The following TRPV4 variants were observed in gnomAD, a reference collection of about 807,000 sequenced individuals.
The protein encoded by TRPV4 is transient receptor potential cation channel subfamily V member 4.
TRPV4 carries 58 observed loss-of-function variants against 84.1 expected under a neutral mutation model. The observed-to-expected ratio is 0.69, with a 90% CI of 0.56 to 0.86. The LOEUF (loss-of-function observed/expected upper bound fraction) is 0.86, where lower values mean the gene tolerates loss of function less well. Ranked by LOEUF, TRPV4 falls within the 40% of genes least tolerant of loss-of-function variation. The pLI, the probability that TRPV4 is intolerant of heterozygous loss-of-function variation, is 0.00. For missense variants in TRPV4, 879 were observed against 1,181.1 expected, an observed-to-expected ratio of 0.74 and a Z score of 3.75; for synonymous variants, 489 against 500.9, an observed-to-expected ratio of 0.98 and a Z score of 0.32.
chr12:109,823,466 C>T (rs1192433324), intron 1 of TRPV4, among the ~76,000 whole-genome samples: 1 of 152,212 alleles, frequency 6.6e-6, no homozygotes, highest in South Asian at 2.1e-4. Flanking sequence ...TCACAGGGAC[C>T]AAGTCATTTC....
Position 109,796,823 on chromosome 12 carries a change from T to G in TRPV4, c.1153-119A>C. Reference sequence around the variant, plus strand: ...CTAAGCACCGGCTGCTGGAGGACCCTTTCCTCATCTTGTTTAATTCTTGCT... The same window carrying G: ...CTAAGCACCGGCTGCTGGAGGACCCGTTCCTCATCTTGTTTAATTCTTGCT... On this transcript the variant is annotated intron_variant, in intron 6 of 15. Transcript: ENST00000261740. This position sits in a 1 kb window ranked among gnomAD's most constrained non-coding sequence, Gnocchi z 4.2. 3.0e-6 allele frequency: 3 copies of G among 995,828 alleles called. No homozygotes were observed. The highest frequency in any genetic ancestry group is 4.3e-6 in the Non-Finnish European group (3 of 696,200). The allele number at this position is 995,828 out of a possible 1,614,324, so 61.7% of individuals were successfully genotyped here.
intron 14 of TRPV4, among the ~76,000 whole-genome samples, chr12:109,785,827 G>A (rs1889651849): frequency 6.6e-6 from 1 of 151,544 alleles, no homozygotes; most frequent in African/African-American, 2.4e-5. Context: ...GAGACCAGGA[G>A]TTTGAGACCA....
At position 109,796,853 on chromosome 12, in the gene TRPV4, T is replaced by C. The variant is rs3742035; in HGVS notation, c.1153-149A>G. On this transcript the variant is annotated intron_variant, in intron 6 of 15. Transcript: ENST00000261740. The surrounding 1 kb of genome is among the most constrained non-coding windows in gnomAD (Gnocchi z 4.2). The stretch of plus-strand genomic sequence containing the variant: ...TCATCTTGTTTAATTCTTGCTCTTA[T>C]TATCTTGGTTTACAGATAAAGAATG... 0.29 allele frequency: 236,000 copies of C among 811,798 alleles called. 39,418 individuals carry two copies. The highest frequency in any genetic ancestry group is 0.69 in the East Asian group (25,022 of 36,410). The allele number at this position is 811,798 out of a possible 1,614,324, so 50.3% of individuals were successfully genotyped here.
intron 2 of TRPV4, 72 bp from the exon 3 acceptor site, chr12:109,808,540 G>A: frequency 6.8e-6 from 10 of 1,479,166 alleles, no homozygotes; most frequent in Non-Finnish European, 9.2e-6. Context: ...TGGCCTTAGG[G>A]ACCCAGAGAC....
rs1204460941 is a variant in TRPV4, at chr12:109,800,673, G to A, written c.798C>T (p.Ala266=). 1.2e-6 allele frequency: 2 copies of A among 1,614,070 alleles called. No individual in the cohort carries two copies. Among genetic ancestry groups the A allele is most frequent in the African/African-American group, 1.3e-5 (1 of 74,950 alleles). ...GCTGGAAGAAGCGCCCACGGGCCTG[G>A]GCGTGGACATCAGCTCCCTGGGCCA... ...LLVAQGADVH[A]QARGRFFQPK... Residue 266 remains alanine (A), a synonymous_variant, in exon 5 of 16, where the codon GCC becomes GCT. Coordinates refer to ENST00000261740, the MANE Select transcript of TRPV4 (RefSeq NM_021625.5).
At chr12:109,800,519 T>C in intron 5 of TRPV4, 99 bp downstream of exon 5, 1 of 1,491,762 alleles carries the variant, frequency 6.7e-7, no homozygotes, top group South Asian at 1.2e-5. Context: ...GCCCTGGGTG[T>C]CTGGGTGATG....
At chr12:109,794,075 C>T (rs1890225331) in intron 8 of TRPV4, 53 bp from the exon 9 acceptor site, 1 of 1,439,422 alleles carries the variant, frequency 6.9e-7, no homozygotes, top group South Asian at 1.2e-5. Context: ...CAACATCTGG[C>T]CCCCAATCCA....
intron 3 of TRPV4, among the ~76,000 whole-genome samples, chr12:109,804,717 A>G (rs890037679): frequency 2.6e-5 from 4 of 152,150 alleles, no homozygotes; most frequent in Non-Finnish European, 5.9e-5. Flanking sequence ...CCTGGCGCCC[A>G]GCTCAGAGGC....
chr12:109,799,464 T>G (rs1007489708), intron 5 of TRPV4, among the ~76,000 whole-genome samples: 1 of 152,152 alleles, frequency 6.6e-6, no homozygotes, highest in African/African-American at 2.4e-5. Flanking sequence ...TGGAATTCTT[T>G]GTGTGACTTT....
At chr12:109,825,905 C>G (rs1261988409) in intron 1 of TRPV4, among the ~76,000 whole-genome samples, 1 of 152,168 alleles carries the variant, frequency 6.6e-6, no homozygotes, top group Non-Finnish European at 1.5e-5. Context: ...CCAGTCTGTG[C>G]CAACAGTAAG....
At chr12:109,799,974 ACT>A (rs1263953552) in intron 5 of TRPV4, among the ~76,000 whole-genome samples, 4 of 150,760 alleles carry the variant, frequency 2.7e-5, no homozygotes, top group Non-Finnish European at 4.4e-5. Flanking sequence ...ACAGAGTCTC[ACT>A]CTGTCACCCA....
chr12:109,812,435 T>C (rs61943777), intron 2 of TRPV4, among the ~76,000 whole-genome samples: 2,258 of 152,212 alleles, frequency 0.015, 33 homozygotes, highest in African/African-American at 0.035. Flanking sequence ...TGGCCAGGAA[T>C]GGAGGTGATG....
intron 2 of TRPV4, among the ~76,000 whole-genome samples, chr12:109,812,086 C>T (rs1891555642): frequency 6.6e-6 from 1 of 152,186 alleles, no homozygotes; most frequent in Admixed American, 6.5e-5. Flanking sequence ...GAGGGCTCAA[C>T]CTCACAAAGC....
At chr12:109,812,732 T>C (rs1891597604) in intron 2 of TRPV4, among the ~76,000 whole-genome samples, 1 of 152,146 alleles carries the variant, frequency 6.6e-6, no homozygotes, top group South Asian at 2.1e-4. Flanking sequence ...GAATGATGAA[T>C]AGTTTGATAG....
rs1376567448 is a variant in TRPV4, at chr12:109,792,362, C to T, written c.1891+1G>A. 1.9e-6 allele frequency: 3 copies of T among 1,613,624 alleles called. No homozygotes were observed. The highest frequency in any genetic ancestry group is 1.7e-6 in the Non-Finnish European group (2 of 1,179,860). On this transcript the variant is annotated splice_donor_variant, in intron 12 of 15. Transcript: ENST00000261740. LOFTEE classifies it high-confidence loss of function. ...GGACCACCTGAGCACCCAGAGCTCACCTGAAGCGTAGCCGATCATGAAGAG... is the reference window on the plus strand; with the variant it reads ...GGACCACCTGAGCACCCAGAGCTCATCTGAAGCGTAGCCGATCATGAAGAG...
intron 1 of TRPV4, among the ~76,000 whole-genome samples, chr12:109,817,699 T>C (rs978802913): frequency 9.9e-5 from 15 of 152,232 alleles, no homozygotes; most frequent in African/African-American, 3.6e-4. Flanking sequence ...CCTGATGACG[T>C]AGCTCAGGCT....
At chr12:109,829,585 T>C (rs1892355474) in intron 1 of TRPV4, among the ~76,000 whole-genome samples, 1 of 152,206 alleles carries the variant, frequency 6.6e-6, no homozygotes, top group African/African-American at 2.4e-5. Context: ...GAAGAAAACA[T>C]GCCCTGGAAT....
Position 109,814,764 on chromosome 12 carries a change from C to A in TRPV4, c.33G>T (p.Gly11=), listed in dbSNP as rs56092423. Residue 11 remains glycine, a synonymous_variant, in exon 2 of 16, where the codon GGG becomes GGT. Coordinates refer to ENST00000261740, the MANE Select transcript of TRPV4 (RefSeq NM_021625.5). The surrounding 1 kb of genome is among the most constrained non-coding windows in gnomAD (Gnocchi z 5.4). MADSSEGPRA[G]PGEVAELPGD... is the part of the protein sequence containing the mutation. ...CGGGGAGCTCAGCCACCTCCCCGGGCCCCGCGCGGGGGCCTTCGCTGGAAT... is the reference window on the plus strand; with the variant it reads ...CGGGGAGCTCAGCCACCTCCCCGGGACCCGCGCGGGGGCCTTCGCTGGAAT... 0.011 allele frequency: 16,858 copies of A among 1,559,314 alleles called. 114 individuals carry two copies. Among genetic ancestry groups the A allele is most frequent in the Non-Finnish European group, 0.013 (14,499 of 1,154,794 alleles).
chr12:109,817,732 C>T (rs1891922239), intron 1 of TRPV4, among the ~76,000 whole-genome samples: 1 of 152,232 alleles, frequency 6.6e-6, no homozygotes, highest in African/African-American at 2.4e-5. Flanking sequence ...GGGCCTCATC[C>T]AGCCCTCATC....
Sources: gnomAD v4.1 joint callset for allele counts (sites outside exome capture counted in the v4.1 genomes callset) on GRCh38, gnomAD v4.1.1 for gene constraint, Gnocchi (gnomAD v3.1) non-coding constraint, MANE v1.5 for transcripts, NCBI Gene and HGNC (gene_info 2026-07-23, HGNC 2026-07-21) for gene names.